The following GNB1 variants were observed in gnomAD, a reference collection of about 807,000 sequenced individuals.
The protein encoded by GNB1 is guanine nucleotide-binding protein G(I)/G(S)/G(T) subunit beta-1.
Under a neutral mutation model 42.9 loss-of-function variants are expected in GNB1, and 2 were observed. The ratio of observed to expected loss-of-function variants is 0.05; its 90% CI spans 0.02 to 0.15. GNB1 has a LOEUF of 0.15. GNB1 is among the 10% of genes least tolerant of loss of function. The probability of loss-of-function intolerance (pLI) is 1.00; values close to 1 mark genes in which losing one functional copy is unlikely to be tolerated. For missense variants in GNB1, 193 were observed against 462.2 expected (o/e 0.42, Z 5.34); for synonymous variants, 183 against 174.7 (o/e 1.05, Z -0.38).
At chr1:1,865,591 G>T (rs796608767) in intron 1 of GNB1, among the ~76,000 whole-genome samples, 11 of 152,138 alleles carry the variant, frequency 7.2e-5, no homozygotes, top group African/African-American at 2.4e-4. Context: ...ATCTCAAAAA[G>T]AACTACCGGA....
chr1:1,831,530 C>T (rs1188870605), intron 2 of GNB1, among the ~76,000 whole-genome samples: 5 of 151,946 alleles, frequency 3.3e-5, no homozygotes, highest in Non-Finnish European at 7.4e-5. Flanking sequence ...CTCACTGCAA[C>T]CTCCACCTCC....
chr1:1,870,175 T>C (rs1649171593), intron 1 of GNB1, among the ~76,000 whole-genome samples: 1 of 152,132 alleles, frequency 6.6e-6, no homozygotes, highest in Non-Finnish European at 1.5e-5. Flanking sequence ...GACAATCTTA[T>C]GTTTTTGTTT....
In GNB1 at chr1:1,786,093, C is replaced by G; in HGVS notation, c.*970G>C. On this transcript the variant is annotated 3_prime_UTR_variant, in exon 12 of 12. Coordinates refer to ENST00000378609, the MANE Select transcript of GNB1 (RefSeq NM_002074.5). ...AAATTTAACTTAGAAAGTCTGAGAT[C>G]ATTATTTTCAAAACATTGATTTGTA... 1 of 398,496 alleles carries G rather than the reference C, an allele frequency of 2.5e-6. No homozygotes were observed. The highest frequency in any genetic ancestry group is 3.6e-5 in the East Asian group (1 of 28,078). 24.7% of individuals were successfully genotyped at this position (398,496 alleles called of 1,614,324 possible).
intron 7 of GNB1, among the ~76,000 whole-genome samples, chr1:1,803,669 T>C (rs1345571857): frequency 6.6e-6 from 1 of 152,164 alleles, no homozygotes; most frequent in East Asian, 1.9e-4. Context: ...ACTGTGACTT[T>C]TATTTGAACC....
In GNB1 at chr1:1,787,460, T is replaced by A. The variant is rs1301829548; in HGVS notation, c.917-23A>T. ...CACCTGGGAGCAAACAACAGCAGAA[T>A]CACACCAAAGCCCAGAGGCATCGAT... On this transcript the variant is annotated intron_variant, in intron 10 of 11. Coordinates refer to ENST00000378609, the MANE Select transcript of GNB1 (RefSeq NM_002074.5). This position sits in a 1 kb window ranked among gnomAD's most constrained non-coding sequence, Gnocchi z 4.4. 1 of 1,436,954 alleles carries A rather than the reference T, an allele frequency of 7.0e-7. No individual in the cohort carries two copies. Among genetic ancestry groups the A allele is most frequent in the African/African-American group, 1.4e-5 (1 of 71,438 alleles). The allele number at this position is 1,436,954 out of a possible 1,614,324, so 89.0% of individuals were successfully genotyped here.
At chr1:1,803,722 G>A (rs1570638972) in intron 7 of GNB1, among the ~76,000 whole-genome samples, 1 of 152,194 alleles carries the variant, frequency 6.6e-6, no homozygotes, top group African/African-American at 2.4e-5. Flanking sequence ...AGCGGCTCAC[G>A]CCTATAATCC....
At chr1:1,814,516 C>A (rs1256539027) in intron 5 of GNB1, among the ~76,000 whole-genome samples, 1 of 152,024 alleles carries the variant, frequency 6.6e-6, no homozygotes, top group Non-Finnish European at 1.5e-5. Context: ...AAGAAATAGG[C>A]TAGAAGTGGT....
intron 2 of GNB1, among the ~76,000 whole-genome samples, chr1:1,829,970 C>G (rs1647053516): frequency 6.6e-6 from 1 of 152,056 alleles, no homozygotes; most frequent in South Asian, 2.1e-4. Flanking sequence ...GAACTCCTGA[C>G]CTCAGGTGAT....
At chr1:1,793,197 G>C in intron 8 of GNB1, 48 bp downstream of exon 8, 3 of 1,152,062 alleles carry the variant, frequency 2.6e-6, no homozygotes, top group Non-Finnish European at 3.9e-6. Context: ...GAATGTGCCA[G>C]GGGCTGTGGG....
intron 3 of GNB1, among the ~76,000 whole-genome samples, chr1:1,819,225 AT>A (rs576755086): frequency 5.5e-4 from 80 of 146,202 alleles, no homozygotes; most frequent in Admixed American, 6.1e-4. Context: ...AATCACAACT[AT>A]TTTTTTTTTT....
intron 2 of GNB1, among the ~76,000 whole-genome samples, chr1:1,834,667 CTTT>C (rs746491020): frequency 5.5e-5 from 7 of 126,338 alleles, no homozygotes; most frequent in Admixed American, 8.8e-5. Flanking sequence ...ACTCCAAGCA[CTTT>C]TTTTTTTTTT....
chr1:1,877,214 CG>C (rs369931857), intron 1 of GNB1, among the ~76,000 whole-genome samples: 5 of 150,788 alleles, frequency 3.3e-5, no homozygotes, highest in African/African-American at 1.2e-4. Context: ...GCAGGAGAAT[CG>C]CCTGAGCTGG....
At chr1:1,838,329 C>T (rs888547098) in intron 2 of GNB1, among the ~76,000 whole-genome samples, 4 of 152,152 alleles carry the variant, frequency 2.6e-5, no homozygotes, top group East Asian at 1.9e-4. Context: ...ACCATGTACC[C>T]TCCTCACCCA....
intron 2 of GNB1, among the ~76,000 whole-genome samples, chr1:1,827,744 A>G (rs1198726179): frequency 1.3e-5 from 2 of 152,188 alleles, no homozygotes; most frequent in Non-Finnish European, 2.9e-5. Flanking sequence ...TATATTATGC[A>G]CACAATTTTG....
intron 2 of GNB1, among the ~76,000 whole-genome samples, chr1:1,832,035 C>A (rs1647082724): frequency 6.8e-6 from 1 of 147,292 alleles, no homozygotes. Context: ...TACACTCTAG[C>A]CTGAGCACAT....
At chr1:1,791,560 C>T (rs1045298953) in intron 8 of GNB1, among the ~76,000 whole-genome samples, 1 of 152,218 alleles carries the variant, frequency 6.6e-6, no homozygotes, top group African/African-American at 2.4e-5. Context: ...AGAAGCCTGG[C>T]TCAGGTGTAA....
At chr1:1,812,646 T>C (rs981583739) in intron 5 of GNB1, among the ~76,000 whole-genome samples, 22 of 152,308 alleles carry the variant, frequency 1.4e-4, no homozygotes, top group African/African-American at 5.3e-4. Context: ...CACCCCAGCC[T>C]CCCACAGGCC....
At chr1:1,799,256 T>TG (rs1398962327) in intron 7 of GNB1, among the ~76,000 whole-genome samples, 2 of 151,990 alleles carry the variant, frequency 1.3e-5, no homozygotes, top group African/African-American at 2.4e-5. Context: ...TGTGTGTGTG[T>TG]TTTTTTTAAA....
intron 5 of GNB1, among the ~76,000 whole-genome samples, chr1:1,811,609 T>C (rs1187153501): frequency 6.6e-6 from 1 of 150,826 alleles, no homozygotes; most frequent in Admixed American, 6.6e-5. Flanking sequence ...GGCAGGAGAA[T>C]GGTGTTAACC....
Sources: allele counts gnomAD v4.1 joint callset (sites outside exome capture counted in the v4.1 genomes callset), GRCh38; gene constraint gnomAD v4.1.1; non-coding constraint Gnocchi (gnomAD v3.1); transcripts MANE v1.5; gene names NCBI Gene and HGNC (gene_info 2026-07-23, HGNC 2026-07-21).